The following PROM1 variants were observed in gnomAD, a reference collection of about 807,000 sequenced individuals.
The protein encoded by PROM1 is prominin-1.
A neutral mutation model predicts 116.9 loss-of-function variants in PROM1; 105 were observed. That is an observed-to-expected ratio of 0.90 (90% CI 0.77 to 1.06). The LOEUF (loss-of-function observed/expected upper bound fraction) is 1.06, where lower values mean the gene tolerates loss of function less well. Ranked by LOEUF, PROM1 falls within the 50% of genes least tolerant of loss-of-function variation. PROM1 has a pLI of 0.00. For missense variants in PROM1, 1,122 were observed against 1,045.2 expected (o/e 1.07, Z -1.01); for synonymous variants, 393 against 387.0 (o/e 1.02, Z -0.18).
At chr4:16,021,956 C>T (rs898025774) in intron 8 of PROM1, among the ~76,000 whole-genome samples, 6 of 152,064 alleles carry the variant, frequency 3.9e-5, no homozygotes, top group African/African-American at 1.4e-4. Flanking sequence ...GGGTGGGTCC[C>T]TAATCCAACA....
At chr4:15,996,531 AT>A (rs1417757275) in intron 15 of PROM1, among the ~76,000 whole-genome samples, 7 of 152,150 alleles carry the variant, frequency 4.6e-5, no homozygotes, top group African/African-American at 1.7e-4. Context: ...AAATAAATAA[AT>A]AAATAAATAA....
At chr4:16,015,793 G>A (rs1176593360) in intron 10 of PROM1, among the ~76,000 whole-genome samples, 5 of 152,014 alleles carry the variant, frequency 3.3e-5, no homozygotes, top group South Asian at 2.1e-4. Context: ...GTGCAAATGC[G>A]TGAAGGTGGG....
chr4:16,082,527 A>T (rs1745231029), intron 1 of PROM1: 1 of 151,808 alleles, frequency 6.6e-6, no homozygotes, highest in Admixed American at 6.6e-5. Context: ...TTTACCTCCA[A>T]ACCACCTCCA....
In PROM1 at chr4:16,023,758, G is replaced by T. The variant is rs149739842; in HGVS notation, c.695-343C>A. On this transcript the variant is annotated intron_variant, in intron 7 of 27. Transcript: ENST00000447510. ...TTGTGAGCATTACGGGATGCTTAGA[G>T]ACATCCCTGGCTTTGACACGCTAGA... 2.6e-3 allele frequency among the ~76,000 whole-genome samples: 396 copies of T among 152,324 alleles called. 3 individuals carry two copies. Among genetic ancestry groups the T allele is most frequent in the Admixed American group, 0.01 (158 of 15,294 alleles).
chr4:16,050,571 C>A (rs1737633798), intron 2 of PROM1, among the ~76,000 whole-genome samples: 3 of 152,120 alleles, frequency 2.0e-5, no homozygotes, highest in African/African-American at 7.2e-5. Flanking sequence ...CCGGGGTGGT[C>A]TCGAACTCCT....
intron 2 of PROM1, among the ~76,000 whole-genome samples, chr4:16,074,948 A>T (rs1743632497): frequency 6.6e-6 from 1 of 152,258 alleles, no homozygotes. Context: ...GGATGGACTT[A>T]CTGTTAAGCC....
At chr4:16,004,832 T>TTCTTTCTTTTCTTCCTTC (rs1203366908) in intron 13 of PROM1, among the ~76,000 whole-genome samples, 1 of 122,506 alleles carries the variant, frequency 8.2e-6, no homozygotes, top group African/African-American at 3.0e-5. Flanking sequence ...TCTTTCTTTT[T>TTCTTTCTTTTCTTCCTTC]CTTCCTTCCT....
At chr4:16,077,666 T>A (rs1744244475) in intron 1 of PROM1, among the ~76,000 whole-genome samples, 1 of 152,084 alleles carries the variant, frequency 6.6e-6, no homozygotes, top group Non-Finnish European at 1.5e-5. Flanking sequence ...AACCCACTAG[T>A]TTGCCTTCAA....
chr4:15,978,482 G>C (rs563772165), intron 26 of PROM1, among the ~76,000 whole-genome samples: 1 of 152,170 alleles, frequency 6.6e-6, no homozygotes, highest in African/African-American at 2.4e-5. Context: ...TTCTGGCCTG[G>C]GAGGCTCTAA....
chr4:15,999,357 G>A (rs1370846743), intron 14 of PROM1, among the ~76,000 whole-genome samples: 2 of 151,960 alleles, frequency 1.3e-5, no homozygotes, highest in Non-Finnish European at 2.9e-5. Context: ...TGTAGTTCCA[G>A]CTACTCGGGA....
At chr4:15,971,234 A>C (rs1560365239) in intron 26 of PROM1, 152 bp from the exon 27 acceptor site, 1 of 591,276 alleles carries the variant, frequency 1.7e-6, no homozygotes. Context: ...GTGTCAGACA[A>C]AACACTGGTT....
chr4:15,978,977 TGGAAGGAAGGAAAAAAGGAA>T (rs1161461464), intron 26 of PROM1, among the ~76,000 whole-genome samples: 1 of 150,318 alleles, frequency 6.7e-6, no homozygotes, highest in Non-Finnish European at 1.5e-5. Flanking sequence ...GTTAATTTAT[TGGAAGGAAGGAAAAAAGGAA>T]GGAAGGAAGG....
chr4:16,067,588 T>C (rs984867840), intron 2 of PROM1, among the ~76,000 whole-genome samples: 8 of 152,188 alleles, frequency 5.3e-5, no homozygotes, highest in Admixed American at 3.9e-4. Flanking sequence ...GAAGGATCAA[T>C]AGATATCAGT....
At chr4:16,063,973 TCTC>T (rs1740933329) in intron 2 of PROM1, among the ~76,000 whole-genome samples, 1 of 152,156 alleles carries the variant, frequency 6.6e-6, no homozygotes, top group South Asian at 2.1e-4. Flanking sequence ...CTCATTAGAC[TCTC>T]CTCCTACTTT....
At chr4:16,046,544 C>G (rs988533053) in intron 2 of PROM1, among the ~76,000 whole-genome samples, 1 of 152,192 alleles carries the variant, frequency 6.6e-6, no homozygotes, top group Non-Finnish European at 1.5e-5. Flanking sequence ...CAATTCATTG[C>G]CTGAAAATGT....
At chr4:16,021,742 C>T (rs1729949480) in intron 8 of PROM1, among the ~76,000 whole-genome samples, 1 of 152,126 alleles carries the variant, frequency 6.6e-6, no homozygotes, top group South Asian at 2.1e-4. Context: ...GCCATCTTAA[C>T]ACTCTTCAAG....
intron 4 of PROM1, among the ~76,000 whole-genome samples, chr4:16,033,751 T>C (rs1578138516): frequency 6.6e-6 from 1 of 152,116 alleles, no homozygotes; most frequent in East Asian, 1.9e-4. Flanking sequence ...GGTTTCACCA[T>C]GTTGTCCAGG....
intron 2 of PROM1, among the ~76,000 whole-genome samples, chr4:16,047,485 A>G (rs774692571): frequency 2.6e-5 from 4 of 152,140 alleles, no homozygotes; most frequent in Non-Finnish European, 4.4e-5. Flanking sequence ...AATTACAGGT[A>G]TGAGCCACCA....
intron 2 of PROM1, among the ~76,000 whole-genome samples, chr4:16,074,702 T>C (rs1743569894): frequency 6.6e-6 from 1 of 152,192 alleles, no homozygotes; most frequent in African/African-American, 2.4e-5. Flanking sequence ...AAAAAACCAA[T>C]ACAAATGTAT....
Sources: allele counts gnomAD v4.1 joint callset (sites outside exome capture counted in the v4.1 genomes callset), GRCh38; gene constraint gnomAD v4.1.1; transcripts MANE v1.5; gene names NCBI Gene and HGNC (gene_info 2026-07-23, HGNC 2026-07-21).